The following LMO7 variants were observed in gnomAD, a reference collection of about 807,000 sequenced individuals.
LMO7 encodes the protein LIM domain only protein 7.
A neutral mutation model predicts 206.5 loss-of-function variants in LMO7; 120 were observed. The observed-to-expected ratio is 0.58, with a 90% CI of 0.50 to 0.68. LMO7 has a LOEUF of 0.68. LMO7 is among the 30% of genes least tolerant of loss of function. The pLI, the probability that LMO7 is intolerant of heterozygous loss-of-function variation, is 0.00. For synonymous variants in LMO7, 706 were observed against 681.5 expected, an observed-to-expected ratio of 1.04 and a Z score of -0.56; for missense variants, 1,959 against 1,957.9, an observed-to-expected ratio of 1.00 and a Z score of -0.01.
chr13:75,701,155 AGGTTG>A (rs1356617099), intron 1 of LMO7, among the ~76,000 whole-genome samples: 2 of 38,210 alleles, frequency 5.2e-5, no homozygotes, highest in African/African-American at 5.1e-4. Flanking sequence ...TGCTTCTGGA[AGGTTG>A]ACATGTAGTG....
chr13:75,776,854 T>A (rs1173905588), intron 4 of LMO7, among the ~76,000 whole-genome samples: 1 of 152,244 alleles, frequency 6.6e-6, no homozygotes, highest in Admixed American at 6.5e-5. Flanking sequence ...TTCCTATCAA[T>A]TTAAAAATTG....
chr13:75,690,712 A>G (rs190558576), intron 1 of LMO7, among the ~76,000 whole-genome samples: 1 of 152,344 alleles, frequency 6.6e-6, no homozygotes, highest in African/African-American at 2.4e-5. Context: ...AAAACAAGTG[A>G]TAGGCCAAGT....
chr13:75,775,592 T>A (rs553142273), intron 4 of LMO7, among the ~76,000 whole-genome samples: 1 of 152,056 alleles, frequency 6.6e-6, no homozygotes, highest in Non-Finnish European at 1.5e-5. Context: ...ATATCCAGAA[T>A]CTACAAGGAA....
At chr13:75,784,989 C>T (rs1594971225) in intron 4 of LMO7, among the ~76,000 whole-genome samples, 1 of 152,076 alleles carries the variant, frequency 6.6e-6, no homozygotes, top group East Asian at 1.9e-4. Context: ...TTAAAAAGTG[C>T]TTTGGCAATA....
At chr13:75,729,468 C>T (rs1363634114) in intron 3 of LMO7, among the ~76,000 whole-genome samples, 1 of 151,192 alleles carries the variant, frequency 6.6e-6, no homozygotes, top group Non-Finnish European at 1.5e-5. Flanking sequence ...GATTTTTGCA[C>T]ATTGATTTTG....
In LMO7 at chr13:75,763,295, T is replaced by C. The variant is rs558809014; in HGVS notation, c.317+2257T>C. Among the ~76,000 whole-genome samples the C allele has an allele frequency of 2.0e-5, 3 of 152,248 alleles. No homozygotes were observed. In the South Asian group the frequency reaches 6.2e-4, roughly 32 times the overall value. On this transcript the variant is annotated intron_variant, in intron 4 of 30. Transcript: ENST00000377534. ...CCTCCACAACAAAGAATTTTCCTAC[T>C]CCAAATATTAATAGTACTGGAGTTG...
chr13:75,637,056 G>C (rs2138948782), intron 1 of LMO7, among the ~76,000 whole-genome samples: 1 of 152,300 alleles, frequency 6.6e-6, no homozygotes, highest in East Asian at 1.9e-4. Flanking sequence ...GCGTCTCTGC[G>C]GGGCACAGCC....
intron 4 of LMO7, among the ~76,000 whole-genome samples, chr13:75,777,065 A>T (rs1035018987): frequency 6.6e-6 from 1 of 152,200 alleles, no homozygotes; most frequent in African/African-American, 2.4e-5. Flanking sequence ...GGAGATGTGG[A>T]TGGAAGTGCC....
chr13:75,818,970 CTAT>C (rs1234337689), intron 12 of LMO7, among the ~76,000 whole-genome samples: 2 of 152,216 alleles, frequency 1.3e-5, no homozygotes, highest in Non-Finnish European at 2.9e-5. Flanking sequence ...ATGAAAGAGA[CTAT>C]GCATCTGCGC....
chr13:75,746,351 T>C (rs964194880), intron 3 of LMO7, among the ~76,000 whole-genome samples: 1 of 152,156 alleles, frequency 6.6e-6, no homozygotes, highest in African/African-American at 2.4e-5. Context: ...AAGGGATAGT[T>C]TGTGATTATT....
chr13:75,699,434 A>G (rs1400695364), intron 1 of LMO7, among the ~76,000 whole-genome samples: 1 of 149,744 alleles, frequency 6.7e-6, no homozygotes, highest in Non-Finnish European at 1.5e-5. Context: ...CTGTAGTATC[A>G]AGGGAACCAG....
intron 4 of LMO7, among the ~76,000 whole-genome samples, chr13:75,776,051 C>T (rs2050323535): frequency 2.1e-5 from 3 of 145,458 alleles, no homozygotes; most frequent in Non-Finnish European, 4.5e-5. Flanking sequence ...ACAGAATTAA[C>T]GTAAGTGTCC....
chr13:75,791,841 G>T (rs1391922629), intron 4 of LMO7, among the ~76,000 whole-genome samples: 1 of 151,966 alleles, frequency 6.6e-6, no homozygotes, highest in Non-Finnish European at 1.5e-5. Flanking sequence ...TAGAGTAAGG[G>T]CTATCATCAT....
At chr13:75,691,368 G>T (rs1871158254) in intron 1 of LMO7, among the ~76,000 whole-genome samples, 1 of 152,194 alleles carries the variant, frequency 6.6e-6, no homozygotes, top group Admixed American at 6.5e-5. Context: ...CATAAGAAAA[G>T]ATGCAGGATT....
At chr13:75,656,452 T>C (rs927660833) in intron 1 of LMO7, among the ~76,000 whole-genome samples, 1 of 152,262 alleles carries the variant, frequency 6.6e-6, no homozygotes, top group African/African-American at 2.4e-5. Flanking sequence ...TTTTGAAATA[T>C]GTTTTTTAAA....
chr13:75,762,550 C>T (rs1259613132), intron 4 of LMO7, among the ~76,000 whole-genome samples: 2 of 152,114 alleles, frequency 1.3e-5, no homozygotes, highest in Admixed American at 6.5e-5. Context: ...TGTTGGCTCC[C>T]AAGTCCAAGA....
At chr13:75,637,766 G>A (rs1368810901) in intron 1 of LMO7, among the ~76,000 whole-genome samples, 1 of 152,228 alleles carries the variant, frequency 6.6e-6, no homozygotes, top group African/African-American at 2.4e-5. Flanking sequence ...ATGTATGTGT[G>A]TGGAAAGAAA....
intron 11 of LMO7, among the ~76,000 whole-genome samples, chr13:75,810,170 T>A (rs2056167785): frequency 6.6e-6 from 1 of 152,202 alleles, no homozygotes; most frequent in Non-Finnish European, 1.5e-5. Context: ...ACAAGGTGGC[T>A]ATATCTTAAT....
At chr13:75,797,316 T>G (rs947137915) in intron 6 of LMO7, among the ~76,000 whole-genome samples, 3 of 152,202 alleles carry the variant, frequency 2.0e-5, no homozygotes, top group Non-Finnish European at 1.5e-5. Flanking sequence ...ACATTTCTAG[T>G]CATTCATATT....
Sources: allele counts gnomAD v4.1 joint callset (sites outside exome capture counted in the v4.1 genomes callset), GRCh38; gene constraint gnomAD v4.1.1; transcripts MANE v1.5; gene names NCBI Gene and HGNC (gene_info 2026-07-23, HGNC 2026-07-21).